The following ARB2A variants were observed in gnomAD, a reference collection of about 807,000 sequenced individuals.
ARB2A encodes the protein ARB2 cotranscriptional regulator A.
At chr5:93,638,665 C>CAA in the ARB2A span, among the ~76,000 whole-genome samples, 4 of 127,572 alleles carry the variant, frequency 3.1e-5, no homozygotes, top group South Asian at 2.5e-4. Context: ...TACAAAAATA[C>CAA]AAAAAAAAAA....
At chr5:93,670,150 C>T in the ARB2A span, among the ~76,000 whole-genome samples, 3 of 152,264 alleles carry the variant, frequency 2.0e-5, no homozygotes, top group East Asian at 5.8e-4. Flanking sequence ...CAACTCCTGC[C>T]ACCAAAATCC....
At chr5:93,867,029 T>C in the ARB2A span, among the ~76,000 whole-genome samples, 1 of 152,160 alleles carries the variant, frequency 6.6e-6, no homozygotes, top group East Asian at 1.9e-4. Context: ...AATAGCAACA[T>C]TACAAAAACA....
At chr5:93,942,383 T>C in the ARB2A span, among the ~76,000 whole-genome samples, 1 of 152,190 alleles carries the variant, frequency 6.6e-6, no homozygotes, top group Non-Finnish European at 1.5e-5. Context: ...CTCTCAAAGT[T>C]TACTTTTAAA....
the ARB2A span, among the ~76,000 whole-genome samples, chr5:93,973,880 T>C: frequency 6.6e-6 from 1 of 152,088 alleles, no homozygotes; most frequent in South Asian, 2.1e-4. Flanking sequence ...AACTGATCAC[T>C]AGCAAAAAAT....
chr5:93,690,998 C>A, the ARB2A span, among the ~76,000 whole-genome samples: 1 of 152,100 alleles, frequency 6.6e-6, no homozygotes, highest in South Asian at 2.1e-4. Context: ...AAAAGAACGA[C>A]CACACAAAAA....
chr5:93,930,040 T>C, the ARB2A span, among the ~76,000 whole-genome samples: 1 of 152,210 alleles, frequency 6.6e-6, no homozygotes, highest in South Asian at 2.1e-4. Flanking sequence ...GACTTTTTAA[T>C]TAGTCTCAAA....
the ARB2A span, among the ~76,000 whole-genome samples, chr5:93,951,083 A>C: frequency 1.3e-5 from 2 of 152,168 alleles, no homozygotes; most frequent in East Asian, 3.8e-4. Flanking sequence ...ATGATCAACG[A>C]CGTTGGGCAC....
chr5:93,785,516 A>G, the ARB2A span, among the ~76,000 whole-genome samples: 1 of 152,198 alleles, frequency 6.6e-6, no homozygotes, highest in Non-Finnish European at 1.5e-5. Context: ...GAAAGCTCAT[A>G]CAGAGAAAGA....
At chr5:93,778,833 T>C in the ARB2A span, among the ~76,000 whole-genome samples, 1 of 152,198 alleles carries the variant, frequency 6.6e-6, no homozygotes, top group African/African-American at 2.4e-5. Flanking sequence ...ATTGTTACTT[T>C]AAAAAGCTGA....
At chr5:93,737,292 A>G in the ARB2A span, 3 of 152,208 alleles carry the variant, frequency 2.0e-5, no homozygotes, top group Admixed American at 6.5e-5. Context: ...TAAAGAAGAC[A>G]TAAGTGGAAA....
At chr5:93,841,226 G>A in the ARB2A span, among the ~76,000 whole-genome samples, 4 of 151,894 alleles carry the variant, frequency 2.6e-5, no homozygotes, top group Admixed American at 6.6e-5. Flanking sequence ...CTGCATTAGC[G>A]GATTCAACCA....
At chr5:93,770,341 G>A in the ARB2A span, among the ~76,000 whole-genome samples, 1 of 152,092 alleles carries the variant, frequency 6.6e-6, no homozygotes, top group African/African-American at 2.4e-5. Context: ...CAAACCCACA[G>A]CCAATATCAT....
the ARB2A span, among the ~76,000 whole-genome samples, chr5:93,935,880 C>T: frequency 3.7e-3 from 565 of 151,796 alleles, 2 homozygotes; most frequent in Non-Finnish European, 5.8e-3. Flanking sequence ...AGCTTTAATA[C>T]GGCAGAAAAA....
At chr5:93,679,558 C>T in the ARB2A span, among the ~76,000 whole-genome samples, 1 of 152,054 alleles carries the variant, frequency 6.6e-6, no homozygotes, top group East Asian at 1.9e-4. Context: ...GATTTTTCTA[C>T]TCTAAAGGCA....
the ARB2A span, among the ~76,000 whole-genome samples, chr5:94,069,054 A>ATAGGTAGG: frequency 6.6e-6 from 1 of 150,554 alleles, no homozygotes; most frequent in African/African-American, 2.4e-5. Context: ...AGATAGATAG[A>ATAGGTAGG]TAGATAGATA....
the ARB2A span, among the ~76,000 whole-genome samples, chr5:94,099,624 CAAAAAAAAAAAAAAAAAA>C: frequency 9.1e-3 from 124 of 13,652 alleles, 2 homozygotes; most frequent in African/African-American, 0.023. Flanking sequence ...GACTCCGTCT[CAAAAAAAAAAAAAAAAAA>C]AAAAAAAAAC....
the ARB2A span, among the ~76,000 whole-genome samples, chr5:93,785,798 C>T: frequency 1.3e-5 from 2 of 152,046 alleles, no homozygotes; most frequent in African/African-American, 4.8e-5. Flanking sequence ...ATTTATCCTG[C>T]AATACCAATA....
the ARB2A span, chr5:93,736,992 A>G: frequency 6.6e-6 from 1 of 152,226 alleles, no homozygotes; most frequent in Non-Finnish European, 1.5e-5. Context: ...TCCAAATCGG[A>G]AAGGAAGAAG....
At chr5:94,053,320 CTA>C in the ARB2A span, 29 of 707,536 alleles carry the variant, frequency 4.1e-5, no homozygotes, top group South Asian at 5.5e-4. Context: ...ATTCTTTGTT[CTA>C]TTAATTTTTA....
Sources: allele counts gnomAD v4.1 joint callset (sites outside exome capture counted in the v4.1 genomes callset), GRCh38; gene constraint gnomAD v4.1.1; transcripts MANE v1.5; gene names NCBI Gene and HGNC (gene_info 2026-07-23, HGNC 2026-07-21).